Variants in SNTG1 observed in about 807,000 individuals in gnomAD.
SNTG1 encodes gamma-1-syntrophin.
In SNTG1, 39 loss-of-function variants were observed where a neutral mutation model predicts 74.7. The ratio of observed to expected loss-of-function variants is 0.52; its 90% CI spans 0.40 to 0.68. The LOEUF is 0.68. Ranked by LOEUF, SNTG1 falls within the 30% of genes least tolerant of loss-of-function variation. SNTG1 has a pLI of 0.00. For missense variants in SNTG1, 685 were observed against 609.5 expected, an observed-to-expected ratio of 1.12 and a Z score of -1.30; for synonymous variants, 254 against 217.1, an observed-to-expected ratio of 1.17 and a Z score of -1.49.
Position 50,095,401 on chromosome 8 carries a change from G to A in SNTG1, c.-102-77160G>A, listed in dbSNP as rs118118162. On this transcript the variant is annotated intron_variant, in intron 1 of 18. Transcript: ENST00000642720. ...TCTGCAAGCATTTAGATATGTGAAT[G>A]ACAGAAACAGTCTCAGCGTTGCTCA... is the stretch of plus-strand genomic sequence containing the variant. Among the ~76,000 whole-genome samples the A allele has an allele frequency of 8.3e-4, 127 of 152,288 alleles. 2 individuals carry two copies. The East Asian group carries it at 0.022, about 27-fold the overall frequency.
At chr8:50,448,884 T>C (rs1156563502) in intron 5 of SNTG1, among the ~76,000 whole-genome samples, 1 of 102,000 alleles carries the variant, frequency 9.8e-6, no homozygotes, top group Non-Finnish European at 2.5e-5. Context: ...AATACAAAAA[T>C]TAGCTGGGCA....
intron 12 of SNTG1, among the ~76,000 whole-genome samples, chr8:50,567,147 T>C (rs2094520717): frequency 6.6e-6 from 1 of 152,044 alleles, no homozygotes; most frequent in Non-Finnish European, 1.5e-5. Flanking sequence ...GAAATAAAAT[T>C]GTGGCATCTT....
chr8:50,274,936 T>A (rs1185758601), intron 2 of SNTG1, among the ~76,000 whole-genome samples: 1 of 152,240 alleles, frequency 6.6e-6, no homozygotes, highest in Non-Finnish European at 1.5e-5. Context: ...TTTTGATTAT[T>A]TCGATTACAA....
chr8:50,733,549 C>T (rs1194883906), intron 17 of SNTG1, among the ~76,000 whole-genome samples: 3 of 151,968 alleles, frequency 2.0e-5, no homozygotes, highest in African/African-American at 7.2e-5. Context: ...TTCCCACCAA[C>T]AGTGTATAAC....
intron 1 of SNTG1, among the ~76,000 whole-genome samples, chr8:49,981,961 A>T (rs905939790): frequency 5.9e-5 from 9 of 152,060 alleles, no homozygotes; most frequent in African/African-American, 1.9e-4. Context: ...AATATTATTA[A>T]TTTTTTACCG....
intron 1 of SNTG1, among the ~76,000 whole-genome samples, chr8:50,009,153 C>T (rs1815530446): frequency 6.6e-6 from 1 of 152,002 alleles, no homozygotes; most frequent in Non-Finnish European, 1.5e-5. Context: ...TTCTGGAGTC[C>T]TCTGCATCCT....
chr8:50,636,602 A>G (rs1281534628), intron 13 of SNTG1, among the ~76,000 whole-genome samples: 1 of 152,174 alleles, frequency 6.6e-6, no homozygotes, highest in Non-Finnish European at 1.5e-5. Flanking sequence ...CAAAGAGCAC[A>G]GATTCTCTCC....
At chr8:50,191,688 G>T in intron 2 of SNTG1, among the ~76,000 whole-genome samples, 1 of 152,054 alleles carries the variant, frequency 6.6e-6, no homozygotes, top group Non-Finnish European at 1.5e-5. Flanking sequence ...TTTAAGCCCT[G>T]CATGCAGTAG....
chr8:50,034,158 GA>G (rs1195901840), intron 1 of SNTG1, among the ~76,000 whole-genome samples: 2 of 152,120 alleles, frequency 1.3e-5, no homozygotes, highest in East Asian at 3.9e-4. Context: ...CTGGACTTTG[GA>G]AAAAATGAGG....
chr8:50,045,783 T>G (rs554222205), intron 1 of SNTG1, among the ~76,000 whole-genome samples: 2 of 152,322 alleles, frequency 1.3e-5, no homozygotes, highest in South Asian at 2.1e-4. Context: ...GTGATTCTGT[T>G]AGGATAAAAG....
chr8:49,940,646 C>G (rs1289902673), intron 1 of SNTG1, among the ~76,000 whole-genome samples: 1 of 152,122 alleles, frequency 6.6e-6, no homozygotes, highest in African/African-American at 2.4e-5. Context: ...TTTGTAAATA[C>G]TTATTGAGGA....
At chr8:50,166,822 C>T (rs550780881) in intron 1 of SNTG1, among the ~76,000 whole-genome samples, 2,143 of 150,150 alleles carry the variant, frequency 0.014, 66 homozygotes, top group African/African-American at 0.047. Context: ...CACATGCACA[C>T]GTATGTTTAT....
At chr8:50,105,169 C>T (rs1350815172) in intron 1 of SNTG1, among the ~76,000 whole-genome samples, 1 of 152,076 alleles carries the variant, frequency 6.6e-6, no homozygotes, top group African/African-American at 2.4e-5. Flanking sequence ...TTAAGTTTTA[C>T]ATTGAAGTCT....
rs114095312 is a variant in SNTG1 at position 50,733,797 on chromosome 8, G to T, written c.1285-18204G>T. 2.3e-3 allele frequency among the ~76,000 whole-genome samples: 355 copies of T among 151,424 alleles called. 2 individuals carry two copies. Among genetic ancestry groups the T allele is most frequent in the African/African-American group, 8.3e-3 (344 of 41,422 alleles). ...GAGTTTTTTCTTTTCTTTATCAGGT[G>T]CTTAGAGTTTTTCTTACATTTTATC... On this transcript the variant is annotated intron_variant, in intron 17 of 18. Coordinates refer to ENST00000642720, the MANE Select transcript of SNTG1 (RefSeq NM_018967.5).
intron 1 of SNTG1, among the ~76,000 whole-genome samples, chr8:50,134,921 AT>A (rs2081424388): frequency 6.6e-6 from 1 of 152,098 alleles, no homozygotes; most frequent in African/African-American, 2.4e-5. Flanking sequence ...TCTTTTATGT[AT>A]TTACAATGAA....
chr8:50,245,943 C>A (rs2086379671), intron 2 of SNTG1, among the ~76,000 whole-genome samples: 1 of 151,808 alleles, frequency 6.6e-6, no homozygotes, highest in Admixed American at 6.6e-5. Flanking sequence ...TCCCTTTTGT[C>A]CTCAAATTAG....
intron 2 of SNTG1, among the ~76,000 whole-genome samples, chr8:50,207,470 G>A (rs762012086): frequency 5.9e-5 from 9 of 151,612 alleles, no homozygotes; most frequent in Non-Finnish European, 1.2e-4. Context: ...TTCTTTATTA[G>A]TCTTGCTAGT....
At chr8:50,520,893 A>G (rs767419042) in intron 9 of SNTG1, among the ~76,000 whole-genome samples, 1 of 152,190 alleles carries the variant, frequency 6.6e-6, no homozygotes, top group Non-Finnish European at 1.5e-5. Flanking sequence ...AACGAGAAAT[A>G]CAATTTGACC....
intron 2 of SNTG1, among the ~76,000 whole-genome samples, chr8:50,353,761 C>A (rs1373604035): frequency 6.6e-6 from 1 of 152,168 alleles, no homozygotes; most frequent in African/African-American, 2.4e-5. Context: ...CCACAAAACC[C>A]ACACTCATTA....
Sources: gnomAD v4.1 joint callset for allele counts (sites outside exome capture counted in the v4.1 genomes callset) on GRCh38, gnomAD v4.1.1 for gene constraint, MANE v1.5 for transcripts, NCBI Gene and HGNC (gene_info 2026-07-23, HGNC 2026-07-21) for gene names.